KCNN2: variants seen among roughly 807,000 people sequenced by gnomAD.
KCNN2 encodes the protein small conductance calcium-activated potassium channel protein 2.
KCNN2 carries 24 observed loss-of-function variants against 55.5 expected under a neutral mutation model. The observed-to-expected ratio is 0.43, with a 90% CI of 0.31 to 0.61. KCNN2 has a LOEUF of 0.61. KCNN2 is among the 20% of genes least tolerant of loss of function. The pLI is 0.08. For missense variants in KCNN2, 754 were observed against 853.6 expected (o/e 0.88, Z 1.45); for synonymous variants, 431 against 336.1 (o/e 1.28, Z -3.09).
intron 3 of KCNN2, among the ~76,000 whole-genome samples, chr5:114,442,976 T>TG (rs932898784): frequency 6.6e-6 from 1 of 150,946 alleles, no homozygotes; most frequent in Admixed American, 6.6e-5. Context: ...TTAAAGGTGT[T>TG]TTTTTCACAA....
chr5:114,200,103 T>C (rs992224950), intron 1 of KCNN2, among the ~76,000 whole-genome samples: 1 of 152,200 alleles, frequency 6.6e-6, no homozygotes, highest in Non-Finnish European at 1.5e-5. Flanking sequence ...AGATATATAT[T>C]CTAAACTATT....
chr5:114,115,720 G>A (rs1751696148), intron 1 of KCNN2, among the ~76,000 whole-genome samples: 2 of 152,030 alleles, frequency 1.3e-5, no homozygotes, highest in South Asian at 2.1e-4. Context: ...AAGGGAAGAA[G>A]GAAGTTGTAG....
intron 2 of KCNN2, among the ~76,000 whole-genome samples, chr5:114,277,072 A>C (rs1300113452): frequency 6.6e-6 from 1 of 151,958 alleles, no homozygotes; most frequent in African/African-American, 2.4e-5. Flanking sequence ...TCTGTAAGGG[A>C]TTTTATATCT....
In KCNN2 at chr5:114,422,811, C is replaced by G. The variant is rs1450747899; in HGVS notation, c.1637+17955C>G. Among the ~76,000 whole-genome samples the G allele has an allele frequency of 3.3e-5, 5 of 152,148 alleles. No homozygotes were observed. In the East Asian group the frequency reaches 5.8e-4, roughly 18 times the overall value. ...GTCAGAGACTCATAGATGACTGACACTAATCTGACTGGAACTTCTCAGAAA... is the reference window on the plus strand; with the variant it reads ...GTCAGAGACTCATAGATGACTGACAGTAATCTGACTGGAACTTCTCAGAAA... On this transcript the variant is annotated intron_variant, in intron 3 of 7. Transcript: ENST00000673685.
chr5:114,152,397 A>T (rs368665141), intron 1 of KCNN2, among the ~76,000 whole-genome samples: 1 of 152,218 alleles, frequency 6.6e-6, no homozygotes, highest in Non-Finnish European at 1.5e-5. Flanking sequence ...TCACCAAATA[A>T]ACTCAAAAAA....
intron 3 of KCNN2, among the ~76,000 whole-genome samples, chr5:114,426,756 T>A (rs546436866): frequency 7.5e-4 from 114 of 152,336 alleles, no homozygotes; most frequent in African/African-American, 2.7e-3. Flanking sequence ...ATGTTTGTAT[T>A]GAATGGTATC....
At chr5:114,349,707 G>C (rs891084394) in intron 2 of KCNN2, among the ~76,000 whole-genome samples, 4 of 151,958 alleles carry the variant, frequency 2.6e-5, no homozygotes, top group Non-Finnish European at 4.4e-5. Context: ...TTATGCTGCA[G>C]GGAACATTCA....
intron 2 of KCNN2, among the ~76,000 whole-genome samples, chr5:114,384,963 T>G (rs1239172382): frequency 7.5e-6 from 1 of 133,394 alleles, no homozygotes. Flanking sequence ...GAACTGGTCT[T>G]AATTATGTTT....
At chr5:114,262,326 A>G (rs761112036) in intron 2 of KCNN2, among the ~76,000 whole-genome samples, 5 of 152,226 alleles carry the variant, frequency 3.3e-5, no homozygotes, top group Non-Finnish European at 5.9e-5. Context: ...CTCTGAAAAG[A>G]AAGAATTCTA....
At chr5:114,339,400 G>A (rs1229037290) in intron 2 of KCNN2, among the ~76,000 whole-genome samples, 1 of 152,212 alleles carries the variant, frequency 6.6e-6, no homozygotes, top group Non-Finnish European at 1.5e-5. Context: ...CTGAGCAGCA[G>A]ACATGGCCTA....
intron 1 of KCNN2, among the ~76,000 whole-genome samples, chr5:114,178,332 T>C (rs573588192): frequency 6.6e-6 from 1 of 152,328 alleles, no homozygotes; most frequent in East Asian, 1.9e-4. Flanking sequence ...TTGATCTGAT[T>C]TACTTCATCT....
chr5:114,240,427 CTTTTTT>C lies in KCNN2; in HGVS notation c.-185+18878_-185+18883del, dbSNP rs201223682. Among the ~76,000 whole-genome samples the C allele has an allele frequency of 2.3e-3, 299 of 130,326 alleles. 1 individual carries two copies. Among genetic ancestry groups the C allele is most frequent in the Middle Eastern group, 0.012 (3 of 250 alleles). The allele number at this position is 130,326 out of a possible 152,430, so 85.5% of individuals were successfully genotyped here. On this transcript the variant is annotated intron_variant, in intron 2 of 10. Coordinates refer to the KCNN2 transcript ENST00000512097. ...AAGCTCAAATTATATTTTTCTTTCTCTTTTTTTTTTTTTTTTTTTTTGAGACAAAGT... is the reference window on the plus strand; with the variant it reads ...AAGCTCAAATTATATTTTTCTTTCTCTTTTTTTTTTTTTTTGAGACAAAGT...
At chr5:114,071,190 C>T (rs2112525768) in intron 1 of KCNN2, among the ~76,000 whole-genome samples, 1 of 152,192 alleles carries the variant, frequency 6.6e-6, no homozygotes, top group South Asian at 2.1e-4. Flanking sequence ...TCTGAAAGGT[C>T]CAGAGAATCA....
At chr5:114,149,180 G>T (rs1187737771) in intron 1 of KCNN2, among the ~76,000 whole-genome samples, 1 of 152,120 alleles carries the variant, frequency 6.6e-6, no homozygotes, top group Non-Finnish European at 1.5e-5. Context: ...TGTTTAGAAT[G>T]TGATTGTCCC....
chr5:114,306,876 A>AT (rs926908710), intron 2 of KCNN2, among the ~76,000 whole-genome samples: 1 of 151,312 alleles, frequency 6.6e-6, no homozygotes, highest in African/African-American at 2.4e-5. Context: ...AAGTTTTTGT[A>AT]TTTTTTTAGT....
chr5:114,056,500 G>A (rs561224175), exon 1 of KCNN2: 1 of 398,452 alleles, frequency 2.5e-6, no homozygotes, highest in East Asian at 3.6e-5. Flanking sequence ...TGCAGAACGA[G>A]GTAAGGTCGC....
chr5:114,398,691 G>A (rs1465607361), intron 2 of KCNN2, among the ~76,000 whole-genome samples: 5 of 151,944 alleles, frequency 3.3e-5, no homozygotes, highest in Non-Finnish European at 7.4e-5. Context: ...ATGCTTTTCC[G>A]TTTGTTTATG....
At chr5:114,241,734 A>ATGTG (rs1754632311) in intron 2 of KCNN2, among the ~76,000 whole-genome samples, 1 of 29,906 alleles carries the variant, frequency 3.3e-5, no homozygotes, top group African/African-American at 1.4e-4. Flanking sequence ...ATATATATAC[A>ATGTG]TATATACGTA....
intron 4 of KCNN2, among the ~76,000 whole-genome samples, chr5:114,471,621 T>C (rs1178289588): frequency 6.6e-6 from 1 of 152,200 alleles, no homozygotes; most frequent in Admixed American, 6.5e-5. Context: ...TACTCTGCTT[T>C]AGTTGTCTCA....
Sources: allele counts gnomAD v4.1 joint callset (sites outside exome capture counted in the v4.1 genomes callset), GRCh38; gene constraint gnomAD v4.1.1; transcripts MANE v1.5; gene names NCBI Gene and HGNC (gene_info 2026-07-23, HGNC 2026-07-21).